SMYD3: variants seen among roughly 807,000 people sequenced by gnomAD.
SMYD3 encodes the protein SET and MYND domain containing 3.
In SMYD3, 36 loss-of-function variants were observed where a neutral mutation model predicts 57.7. The ratio of observed to expected loss-of-function variants is 0.62; its 90% CI spans 0.48 to 0.82. The LOEUF (loss-of-function observed/expected upper bound fraction) is 0.82, where lower values mean the gene tolerates loss of function less well. Ranked by LOEUF, SMYD3 falls within the 40% of genes least tolerant of loss-of-function variation. SMYD3 has a pLI of 0.00. For missense variants in SMYD3, 515 were observed against 538.8 expected, an observed-to-expected ratio of 0.96 and a Z score of 0.44; for synonymous variants, 211 against 195.0, an observed-to-expected ratio of 1.08 and a Z score of -0.68.
At chr1:245,949,975 T>C (rs2057571523) in intron 5 of SMYD3, among the ~76,000 whole-genome samples, 1 of 151,938 alleles carries the variant, frequency 6.6e-6, no homozygotes, top group African/African-American at 2.4e-5. Context: ...TCACTGTCTG[T>C]GGAAGAGAAA....
intron 10 of SMYD3, among the ~76,000 whole-genome samples, chr1:245,810,053 C>T (rs1572399941): frequency 6.6e-6 from 1 of 152,170 alleles, no homozygotes; most frequent in African/African-American, 2.4e-5. Context: ...CCATCCATTT[C>T]ACCACCAGAA....
intron 5 of SMYD3, among the ~76,000 whole-genome samples, chr1:246,092,583 C>T (rs2060841922): frequency 6.6e-6 from 1 of 152,070 alleles, no homozygotes; most frequent in Admixed American, 6.5e-5. Flanking sequence ...AAGTAGACCC[C>T]ACCTCTCACC....
At chr1:245,982,260 G>T (rs764513138) in intron 5 of SMYD3, among the ~76,000 whole-genome samples, 7 of 152,120 alleles carry the variant, frequency 4.6e-5, no homozygotes, top group Non-Finnish European at 8.8e-5. Flanking sequence ...TCAGCCTCTG[G>T]AGTAACTGGG....
chr1:245,991,244 A>G (rs1043813984), intron 5 of SMYD3, among the ~76,000 whole-genome samples: 3 of 152,214 alleles, frequency 2.0e-5, no homozygotes, highest in African/African-American at 7.2e-5. Context: ...GTTTCCTGCC[A>G]TCTATCTGAG....
intron 5 of SMYD3, among the ~76,000 whole-genome samples, chr1:246,218,345 C>T (rs12116875): frequency 0.18 from 26,957 of 151,954 alleles, 2,778 homozygotes; most frequent in East Asian, 0.34. Flanking sequence ...GGCAACAGGC[C>T]GGGCGCGGTG....
Position 246,355,085 on chromosome 1 carries a change from C to T in SMYD3, c.174G>A (p.Lys58=), listed in dbSNP as rs1249593380. The part of the protein sequence containing the change: ...VCDRCLLGKE[K]LMRCSQCRVA... ...CGCGGCACTGAGAGCATCGCATCAG[C>T]TTTTCCTTCCTGTGGGGAAAAAAAT... The change falls in exon 2 of 12, where the codon AAG becomes AAA. Residue 58 remains lysine, a synonymous_variant. Coordinates refer to ENST00000490107, the MANE Select transcript of SMYD3 (RefSeq NM_001167740.2). The surrounding 1 kb of genome is among the most constrained non-coding windows in gnomAD (Gnocchi z 5.0). 6.2e-7 allele frequency: 1 copy of T among 1,614,034 alleles called. No individual in the cohort carries two copies. Among genetic ancestry groups the T allele is most frequent in the Admixed American group, 1.7e-5 (1 of 59,998 alleles).
At chr1:246,415,260 C>T (rs2067043050) in intron 1 of SMYD3, among the ~76,000 whole-genome samples, 1 of 152,184 alleles carries the variant, frequency 6.6e-6, no homozygotes, top group South Asian at 2.1e-4. Flanking sequence ...CTTCTCTGAA[C>T]AGTTACAGCA....
At chr1:245,854,228 A>G (rs1021136816) in intron 10 of SMYD3, among the ~76,000 whole-genome samples, 6 of 152,252 alleles carry the variant, frequency 3.9e-5, no homozygotes, top group African/African-American at 1.4e-4. Flanking sequence ...TCTTGAGGAA[A>G]GAGTGACATT....
At chr1:245,888,749 A>C (rs962101600) in intron 8 of SMYD3, among the ~76,000 whole-genome samples, 2 of 152,228 alleles carry the variant, frequency 1.3e-5, no homozygotes, top group Non-Finnish European at 2.9e-5. Context: ...GTATGCAATC[A>C]ATAACATGCA....
chr1:246,227,854 C>A (rs949480274), intron 5 of SMYD3, among the ~76,000 whole-genome samples: 1 of 151,878 alleles, frequency 6.6e-6, no homozygotes, highest in Non-Finnish European at 1.5e-5. Context: ...AAGGTCTCAC[C>A]GATCTCTAAA....
At chr1:245,817,479 A>C (rs2048918036) in intron 10 of SMYD3, among the ~76,000 whole-genome samples, 1 of 151,826 alleles carries the variant, frequency 6.6e-6, no homozygotes, top group Non-Finnish European at 1.5e-5. Flanking sequence ...AAACTCTAAA[A>C]AGCAGAGCAC....
intron 10 of SMYD3, among the ~76,000 whole-genome samples, chr1:245,803,766 C>A (rs1485952030): frequency 1.3e-5 from 2 of 152,128 alleles, no homozygotes; most frequent in East Asian, 1.9e-4. Flanking sequence ...AAGAAAATTT[C>A]TAAAATTTGA....
At chr1:245,808,379 C>T (rs1197339250) in intron 10 of SMYD3, among the ~76,000 whole-genome samples, 1 of 152,176 alleles carries the variant, frequency 6.6e-6, no homozygotes, top group Non-Finnish European at 1.5e-5. Flanking sequence ...CCAAAACATC[C>T]TTTTGAAAGG....
At chr1:245,907,907 G>A (rs1479264268) in intron 8 of SMYD3, among the ~76,000 whole-genome samples, 1 of 152,138 alleles carries the variant, frequency 6.6e-6, no homozygotes, top group Non-Finnish European at 1.5e-5. Flanking sequence ...GGAGGCCGAG[G>A]TGGGCAGATC....
intron 10 of SMYD3, among the ~76,000 whole-genome samples, chr1:245,836,365 C>T (rs1480965476): frequency 2.0e-5 from 3 of 152,178 alleles, no homozygotes; most frequent in Admixed American, 6.5e-5. Flanking sequence ...TCCCATCCTC[C>T]GTGCGGTCCT....
At chr1:246,011,220 GA>G (rs1348283095) in intron 5 of SMYD3, among the ~76,000 whole-genome samples, 2 of 152,164 alleles carry the variant, frequency 1.3e-5, no homozygotes, top group Non-Finnish European at 2.9e-5. Context: ...AAGAGCTGAA[GA>G]AATTGCCAAA....
intron 5 of SMYD3, among the ~76,000 whole-genome samples, chr1:246,040,481 T>C (rs1164163619): frequency 6.6e-6 from 1 of 152,224 alleles, no homozygotes; most frequent in Non-Finnish European, 1.5e-5. Flanking sequence ...AAGCTGATGC[T>C]GCCGTCTGAG....
intron 1 of SMYD3, among the ~76,000 whole-genome samples, chr1:246,399,629 G>C (rs2066735357): frequency 6.6e-6 from 1 of 152,116 alleles, no homozygotes. Context: ...ACAGGCGTGA[G>C]CTACCATGCC....
intron 5 of SMYD3, among the ~76,000 whole-genome samples, chr1:246,246,313 G>A (rs749653411): frequency 2.0e-4 from 30 of 152,140 alleles, no homozygotes; most frequent in Non-Finnish European, 3.4e-4. Context: ...TTTATTTTAA[G>A]TAAGAAGTGA....
Sources: allele counts gnomAD v4.1 joint callset (sites outside exome capture counted in the v4.1 genomes callset), GRCh38; gene constraint gnomAD v4.1.1; non-coding constraint Gnocchi (gnomAD v3.1); transcripts MANE v1.5; gene names NCBI Gene and HGNC (gene_info 2026-07-23, HGNC 2026-07-21).